Variants in LBP observed in about 807,000 individuals in gnomAD.
The protein encoded by LBP is lipopolysaccharide binding protein.
In LBP, 53 loss-of-function variants were observed where a neutral mutation model predicts 56.6. The ratio of observed to expected loss-of-function variants is 0.94; its 90% CI spans 0.75 to 1.18. The LOEUF is 1.18. Among genes scored for constraint, LBP ranks in the 50% most tolerant of loss-of-function variants. LBP has a pLI of 0.00. For synonymous variants in LBP, 227 were observed against 247.5 expected (o/e 0.92, Z 0.78); for missense variants, 601 against 598.3 (o/e 1.00, Z -0.05).
intron 9 of LBP, among the ~76,000 whole-genome samples, chr20:38,368,466 G>A (rs1039029977): frequency 6.6e-6 from 1 of 152,116 alleles, no homozygotes; most frequent in African/African-American, 2.4e-5. Flanking sequence ...GGGTGTGGTG[G>A]TGCACACCTG....
intron 9 of LBP, among the ~76,000 whole-genome samples, chr20:38,367,994 C>G (rs1184829251): frequency 1.3e-5 from 2 of 151,164 alleles, no homozygotes; most frequent in Non-Finnish European, 2.9e-5. Flanking sequence ...GAGTTCAAGA[C>G]CAACCTGGAC....
In LBP at chr20:38,360,709, C is replaced by T. The variant is rs753217147; in HGVS notation, c.594C>T (p.Cys198=). The part of the protein sequence containing the change: ...KFQKVLESRI[C]EMIQKSVSSD... ...TCTCTTCCCATGTTTTTCAGATTTG[C>T]GAAATGATCCAGAAATCAGTGTCCT... Residue 198 remains cysteine, a synonymous_variant, in exon 6 of 15, where the codon TGC becomes TGT. Transcript: ENST00000217407. 2.8e-5 allele frequency: 45 copies of T among 1,611,758 alleles called. No homozygotes were observed. The Admixed American group carries it at 4.3e-4, about 16-fold the overall frequency.
chr20:38,372,405 CATATT>C (rs1158137334), intron 12 of LBP, among the ~76,000 whole-genome samples: 1 of 152,198 alleles, frequency 6.6e-6, no homozygotes, highest in East Asian at 1.9e-4. Flanking sequence ...ATGGTGCACT[CATATT>C]GTATCTGTGC....
At position 38,361,191 on chromosome 20, in the gene LBP, A is replaced by C. The variant is rs563975389; in HGVS notation, c.652+424A>C. Among the ~76,000 whole-genome samples, 86 of 152,140 alleles carry C rather than the reference A, an allele frequency of 5.7e-4. 1 individual carries two copies. In the East Asian group the frequency reaches 0.014, roughly 26 times the overall value. On this transcript the variant is annotated intron_variant, in intron 6 of 14. Transcript: ENST00000217407. ...CAGAAAAAAAAAAAAAAAGAAAGTA[A>C]AAATTAAAAGTTCATTTTTCTCCCC...
rs140069602 is a variant in LBP at position 38,355,608 on chromosome 20, G to C, written c.588+199G>C. 6.0e-3 allele frequency among the ~76,000 whole-genome samples: 911 copies of C among 152,304 alleles called. 9 individuals carry two copies. Among genetic ancestry groups the C allele is most frequent in the African/African-American group, 0.021 (860 of 41,552 alleles). On this transcript the variant is annotated intron_variant, in intron 5 of 14. Coordinates refer to ENST00000217407, the MANE Select transcript of LBP (RefSeq NM_004139.5). Reference sequence around the variant, plus strand: ...GGGGACAAAGCTCCAAGTCCGTTCGGTTGGGCAGAAAATGGTCAACTGCTT... The same window carrying C: ...GGGGACAAAGCTCCAAGTCCGTTCGCTTGGGCAGAAAATGGTCAACTGCTT...
chr20:38,371,462 G>A (rs530690422), intron 12 of LBP, 140 bp downstream of exon 12: 140 of 633,712 alleles, frequency 2.2e-4, no homozygotes, highest in Admixed American at 5.8e-4. Flanking sequence ...AAAAGGTCTC[G>A]AAAACACAAG....
At chr20:38,357,443 G>A (rs182385501) in intron 5 of LBP, among the ~76,000 whole-genome samples, 1 of 152,300 alleles carries the variant, frequency 6.6e-6, no homozygotes, top group Non-Finnish European at 1.5e-5. Flanking sequence ...CACTCAGGGT[G>A]GGATGTGGTA....
intron 4 of LBP, 101 bp downstream of exon 4, chr20:38,354,540 CT>C (rs1438728313): frequency 1.9e-6 from 2 of 1,076,642 alleles, no homozygotes; most frequent in African/African-American, 3.2e-5. Context: ...ATCCAGGTGG[CT>C]TGCACAGGCA....
chr20:38,371,018 T>C (rs2076899013), intron 11 of LBP, among the ~76,000 whole-genome samples: 3 of 152,244 alleles, frequency 2.0e-5, no homozygotes, highest in Non-Finnish European at 4.4e-5. Flanking sequence ...TCTTAATGTA[T>C]GAATTTTAGA....
At chr20:38,364,815 C>A (rs867431776) in intron 8 of LBP, 63 bp downstream of exon 8, 3 of 1,427,646 alleles carry the variant, frequency 2.1e-6, no homozygotes, top group African/African-American at 2.8e-5. Flanking sequence ...TTCCTTCTTT[C>A]CTTTTCACCC....
chr20:38,364,787 C>A, intron 8 of LBP, 35 bp downstream of exon 8: 1 of 1,563,160 alleles, frequency 6.4e-7, no homozygotes. Flanking sequence ...CTCAAATGAA[C>A]ACATAACCTA....
chr20:38,372,642 T>A (rs1033674493), intron 12 of LBP, among the ~76,000 whole-genome samples: 15 of 152,330 alleles, frequency 9.8e-5, no homozygotes, highest in African/African-American at 2.9e-4. Flanking sequence ...TGAGGGGTTG[T>A]TGTGAAGATT....
intron 3 of LBP, among the ~76,000 whole-genome samples, chr20:38,351,659 C>G (rs2076820919): frequency 6.6e-6 from 1 of 152,290 alleles, no homozygotes; most frequent in Middle Eastern, 3.4e-3. Context: ...TGAGGCCACT[C>G]TCTTTGGCTT....
chr20:38,363,296 G>T (rs77201743), intron 6 of LBP, among the ~76,000 whole-genome samples: 1 of 152,282 alleles, frequency 6.6e-6, no homozygotes, highest in South Asian at 2.1e-4. Context: ...GTTAACAGCC[G>T]TGTAGTGTTC....
At position 38,349,554 on chromosome 20, in the gene LBP, A is replaced by G. The variant is rs2076812974; in HGVS notation, c.131A>G (p.Gln44Arg). Residue 44 changes from glutamine to arginine, a missense_variant, in exon 2 of 15, where the codon CAG becomes CGG. Coordinates refer to ENST00000217407, the MANE Select transcript of LBP (RefSeq NM_004139.5). ...ITDKGLQYAA[Q>R]EGLLALQSEL... ...AGCTATTTCCTTTCCACAGCGGCCC[A>G]GGAGGGGCTATTAGCTCTGCAGAGT... 3 of 1,602,954 alleles carry G rather than the reference A, an allele frequency of 1.9e-6. No homozygotes were observed. The African/African-American group carries it at 4.0e-5, about 21-fold the overall frequency.
chr20:38,362,625 A>T (rs1012471328), intron 6 of LBP, among the ~76,000 whole-genome samples: 22 of 150,916 alleles, frequency 1.5e-4, no homozygotes, highest in Non-Finnish European at 3.0e-4. Context: ...CAAAGAAAAA[A>T]AATAATAAAT....
rs981215907 is a variant in LBP, at chr20:38,363,853, C to T, written c.653-122C>T. The T allele has an allele frequency of 2.1e-4, 145 of 697,940 alleles. 3 individuals carry two copies. The South Asian group carries it at 2.1e-3, about 10-fold the overall frequency. 43.2% of individuals were successfully genotyped at this position (697,940 alleles called of 1,614,324 possible). ...AAGAAGCAATTCTTTGCCTCAGGGCCGGGCTAGTAGGGGGATTCTGAAGAA... is the reference window on the plus strand; with the variant it reads ...AAGAAGCAATTCTTTGCCTCAGGGCTGGGCTAGTAGGGGGATTCTGAAGAA... On this transcript the variant is annotated intron_variant, in intron 6 of 14. Coordinates refer to ENST00000217407, the MANE Select transcript of LBP (RefSeq NM_004139.5).
chr20:38,355,214 G>C (rs2076834434), intron 4 of LBP, 132 bp from the exon 5 acceptor site: 6 of 762,542 alleles, frequency 7.9e-6, no homozygotes, highest in Non-Finnish European at 2.3e-6. Context: ...GATGTGCTGG[G>C]ACACAGCAGG....
rs761024778 is a variant in LBP, at chr20:38,373,118, T to C, written c.1307T>C (p.Phe436Ser). The change falls in exon 13 of 15, where the codon TTC becomes TCC. Residue 436 changes from phenylalanine (F) to serine (S), a missense_variant. Phe to Ser is a radical substitution (Grantham distance 155). Coordinates refer to ENST00000217407, the MANE Select transcript of LBP (RefSeq NM_004139.5). ...ALLNYYILNT[F>S]YPKFNDKLAE... ...CTCAACTATTACATCCTTAACACCT[T>C]CTACCCCAAGTTCAATGGTAAGAAT... 8 of 1,613,618 alleles carry C rather than the reference T, an allele frequency of 5.0e-6. No homozygotes were observed. In the African/African-American group the frequency reaches 1.1e-4, roughly 22 times the overall value.
Sources: gnomAD v4.1 joint callset for allele counts (sites outside exome capture counted in the v4.1 genomes callset) on GRCh38, gnomAD v4.1.1 for gene constraint, MANE v1.5 for transcripts, NCBI Gene and HGNC (gene_info 2026-07-23, HGNC 2026-07-21) for gene names.